ADGRG2: variants seen among roughly 807,000 people sequenced by gnomAD.
ADGRG2 encodes the protein G protein-coupled receptor 64.
ADGRG2 carries 26 observed loss-of-function variants against 74.1 expected under a neutral mutation model. The observed-to-expected ratio is 0.35, with a 90% confidence interval of 0.26 to 0.49. The LOEUF (loss-of-function observed/expected upper bound fraction) is 0.49, where lower values mean the gene tolerates loss of function less well. Ranked by LOEUF, ADGRG2 falls within the 20% of genes least tolerant of loss-of-function variation. The pLI is 0.99. For synonymous variants in ADGRG2, 296 were observed against 295.2 expected (o/e 1.00, Z -0.03); for missense variants, 619 against 763.1 (o/e 0.81, Z 2.22).
At chrX:19,110,538 T>A (rs191517714) in intron 1 of ADGRG2, among the ~76,000 whole-genome samples, 12 of 109,010 alleles carry the variant, frequency 1.1e-4, no homozygotes, top group Non-Finnish European at 2.1e-4. Flanking sequence ...ATACAAAAAT[T>A]AGCCGGGTGT....
chrX:19,067,216 C>T (rs2061583122), intron 3 of ADGRG2, among the ~76,000 whole-genome samples: 1 of 112,052 alleles, frequency 8.9e-6, no homozygotes, highest in South Asian at 3.7e-4. Flanking sequence ...ACTTTGAGCC[C>T]CTGTGCTCGG....
Position 19,021,051 on chromosome X carries a change from A to G in ADGRG2, c.643+53T>C, listed in dbSNP as rs1054523680. Reference sequence around the variant, plus strand: ...ATTAATTACATTTTCAATTAGAAAAATAACACATTAAAATCCACATGAAGA... The same window carrying G: ...ATTAATTACATTTTCAATTAGAAAAGTAACACATTAAAATCCACATGAAGA... On this transcript the variant is annotated intron_variant, in intron 14 of 28. Coordinates refer to ENST00000379869, the MANE Select transcript of ADGRG2 (RefSeq NM_001079858.3). The G allele has an allele frequency of 1.1e-5, 7 of 640,075 alleles. No individual in the cohort carries two copies. In the Admixed American group the frequency reaches 1.7e-4, roughly 16 times the overall value. 52.7% of individuals were successfully genotyped at this position (640,075 alleles called of 1,213,427 possible).
chrX:19,064,458 A>G (rs1238524487), intron 3 of ADGRG2, among the ~76,000 whole-genome samples: 2 of 112,072 alleles, frequency 1.8e-5, no homozygotes, highest in Non-Finnish European at 3.8e-5. Context: ...GCAGGCAATC[A>G]TTATCGCACA....
At chrX:19,106,148 A>G (rs1430049531) in intron 1 of ADGRG2, among the ~76,000 whole-genome samples, 2 of 109,845 alleles carry the variant, frequency 1.8e-5, no homozygotes, top group Non-Finnish European at 3.8e-5. Context: ...GCCAGTGTAG[A>G]ACACCGGTCT....
At position 19,036,983 on chromosome X, in the gene ADGRG2, T is replaced by A. The variant is rs772772189; in HGVS notation, c.226+484A>T. On this transcript the variant is annotated intron_variant, in intron 6 of 28. Transcript: ENST00000379869. The stretch of plus-strand genomic sequence containing the variant: ...CCCCTTCCCTTGAATAAAGCCCACT[T>A]CTTTGCCCTTTTCTCTAGCATGATA... Among the ~76,000 whole-genome samples, 3 of 111,658 alleles carry A rather than the reference T, an allele frequency of 2.7e-5. No homozygotes were observed. The East Asian group carries it at 8.5e-4, about 32-fold the overall frequency.
At chrX:19,090,085 T>G (rs1602096479) in intron 1 of ADGRG2, among the ~76,000 whole-genome samples, 1 of 111,749 alleles carries the variant, frequency 8.9e-6, no homozygotes, top group South Asian at 3.8e-4. Flanking sequence ...ATGTATAAAA[T>G]GCTGGCCTGG....
intron 2 of ADGRG2, among the ~76,000 whole-genome samples, chrX:19,073,504 T>C (rs1363986853): frequency 8.9e-6 from 1 of 111,776 alleles, no homozygotes; most frequent in Non-Finnish European, 1.9e-5. Flanking sequence ...AGTTGTACAG[T>C]GCACGAACTA....
intron 1 of ADGRG2, among the ~76,000 whole-genome samples, chrX:19,113,009 C>T (rs1175538856): frequency 1.0e-5 from 1 of 98,579 alleles, no homozygotes; most frequent in South Asian, 4.7e-4. Context: ...AAAAAATCAA[C>T]GTTACAAAGG....
At chrX:19,037,374 A>G (rs1049410159) in intron 6 of ADGRG2, 93 bp downstream of exon 6, 1 of 672,854 alleles carries the variant, frequency 1.5e-6, no homozygotes, top group African/African-American at 2.2e-5. Context: ...GTATTCAGAA[A>G]TAATTTAGAA....
At chrX:19,093,938 C>CACA (rs201404102) in intron 1 of ADGRG2, among the ~76,000 whole-genome samples, 1 of 107,193 alleles carries the variant, frequency 9.3e-6, no homozygotes, top group African/African-American at 3.6e-5. Context: ...CACACACACA[C>CACA]CCCATGGAAT....
At chrX:19,003,548 CTGTT>C (rs1338123901) in intron 23 of ADGRG2, among the ~76,000 whole-genome samples, 3 of 111,071 alleles carry the variant, frequency 2.7e-5, no homozygotes, top group African/African-American at 9.8e-5. Context: ...TAAATTTCCT[CTGTT>C]TGAGTATATG....
intron 3 of ADGRG2, among the ~76,000 whole-genome samples, chrX:19,049,438 G>GGTTTTTT (rs1555901661): frequency 3.7e-5 from 3 of 82,162 alleles, no homozygotes; most frequent in African/African-American, 1.7e-4. Flanking sequence ...CGTTTTTTGT[G>GGTTTTTT]TTTTTTTTTT....
intron 7 of ADGRG2, 104 bp downstream of exon 7, chrX:19,035,838 A>G (rs768308526): frequency 8.2e-5 from 35 of 425,620 alleles, no homozygotes; most frequent in African/African-American, 4.3e-4. Context: ...GAAAAAGGGC[A>G]AGGAGGCAAA....
intron 16 of ADGRG2, among the ~76,000 whole-genome samples, chrX:19,011,030 G>A (rs1038423289): frequency 1.8e-5 from 2 of 112,158 alleles, no homozygotes; most frequent in African/African-American, 6.5e-5. Context: ...CCTCCATACA[G>A]TGAAATATTA....
intron 3 of ADGRG2, among the ~76,000 whole-genome samples, chrX:19,052,058 T>G (rs1292020653): frequency 8.9e-6 from 1 of 112,088 alleles, no homozygotes; most frequent in Non-Finnish European, 1.9e-5. Flanking sequence ...GAATACCCAC[T>G]ATATCTGGGG....
intron 1 of ADGRG2, among the ~76,000 whole-genome samples, chrX:19,118,503 A>G (rs1161803261): frequency 2.7e-5 from 3 of 112,208 alleles, no homozygotes; most frequent in Non-Finnish European, 5.6e-5. Flanking sequence ...CGTCTGCCTC[A>G]GCCTCCTGAG....
At chrX:19,076,384 G>T (rs1270159445) in intron 2 of ADGRG2, among the ~76,000 whole-genome samples, 2 of 111,507 alleles carry the variant, frequency 1.8e-5, no homozygotes, top group African/African-American at 6.5e-5. Flanking sequence ...GCCAGAGAGG[G>T]GACTCTAAAT....
At chrX:19,075,631 A>C (rs2061735671) in intron 2 of ADGRG2, among the ~76,000 whole-genome samples, 1 of 108,059 alleles carries the variant, frequency 9.3e-6, no homozygotes, top group Non-Finnish European at 1.9e-5. Context: ...AAAAAAAAAA[A>C]AAAAAAAAGA....
intron 1 of ADGRG2, among the ~76,000 whole-genome samples, chrX:19,106,252 G>A (rs946518624): frequency 2.0e-4 from 22 of 110,866 alleles, no homozygotes; most frequent in African/African-American, 7.2e-4. Context: ...TTAATTCCCT[G>A]GCACTTCCAA....
Sources: allele counts gnomAD v4.1 joint callset (sites outside exome capture counted in the v4.1 genomes callset), GRCh38; gene constraint gnomAD v4.1.1; transcripts MANE v1.5; gene names NCBI Gene and HGNC (gene_info 2026-07-23, HGNC 2026-07-21).